Variants in SPSB1 observed in about 807,000 individuals in gnomAD.
SPSB1 encodes the protein SPRY domain-containing SOCS box protein 1.
Under a neutral mutation model 21.2 loss-of-function variants are expected in SPSB1, and 8 were observed. That is an observed-to-expected ratio of 0.38 (90% confidence interval 0.22 to 0.68). The LOEUF (loss-of-function observed/expected upper bound fraction) is 0.68, where lower values mean the gene tolerates loss of function less well. SPSB1 is among the 30% of genes least tolerant of loss of function. The pLI, the probability that SPSB1 is intolerant of heterozygous loss-of-function variation, is 0.53. For missense variants in SPSB1, 242 were observed against 377.8 expected, an observed-to-expected ratio of 0.64 and a Z score of 2.98; for synonymous variants, 169 against 161.7, an observed-to-expected ratio of 1.05 and a Z score of -0.34.
chr1:9,332,540 G>A (rs531647540), intron 1 of SPSB1, among the ~76,000 whole-genome samples: 1 of 152,274 alleles, frequency 6.6e-6, no homozygotes, highest in African/African-American at 2.4e-5. Flanking sequence ...TGGTGGACAC[G>A]TCAGGTTCAC....
chr1:9,309,301 A>AGAGAGAGAGAGAGTGT (rs1245605413), intron 1 of SPSB1, among the ~76,000 whole-genome samples: 1 of 133,136 alleles, frequency 7.5e-6, no homozygotes, highest in African/African-American at 3.0e-5. Flanking sequence ...AGAGAGAGAG[A>AGAGAGAGAGAGAGTGT]GTGTGTGTGT....
At chr1:9,307,074 CGT>C (rs1448153969) in intron 1 of SPSB1, among the ~76,000 whole-genome samples, 3 of 151,664 alleles carry the variant, frequency 2.0e-5, no homozygotes, top group Non-Finnish European at 4.4e-5. Flanking sequence ...ATTACAGGCA[CGT>C]GCCACCACGC....
At chr1:9,315,041 G>A (rs1639587165) in intron 1 of SPSB1, among the ~76,000 whole-genome samples, 1 of 152,316 alleles carries the variant, frequency 6.6e-6, no homozygotes, top group Non-Finnish European at 1.5e-5. Flanking sequence ...ATTTTTGTTT[G>A]TTTATTTTTA....
chr1:9,331,268 G>A (rs905347624), intron 1 of SPSB1, among the ~76,000 whole-genome samples: 2 of 104,472 alleles, frequency 1.9e-5, no homozygotes, highest in East Asian at 2.5e-4. Context: ...GGAAGTGGCC[G>A]CACCTCTGTC....
intron 1 of SPSB1, among the ~76,000 whole-genome samples, chr1:9,349,316 C>T (rs1042705499): frequency 1.3e-5 from 2 of 152,230 alleles, no homozygotes; most frequent in African/African-American, 4.8e-5. Flanking sequence ...GCTCCCGCCA[C>T]GTGCTCGACT....
chr1:9,296,749 G>A (rs1431934665), intron 1 of SPSB1, among the ~76,000 whole-genome samples: 2 of 152,200 alleles, frequency 1.3e-5, no homozygotes, highest in Non-Finnish European at 2.9e-5. Flanking sequence ...TACTCTATGC[G>A]GGGCAAGAGT....
intron 1 of SPSB1, among the ~76,000 whole-genome samples, chr1:9,329,107 G>A (rs1288798785): frequency 6.6e-6 from 1 of 152,206 alleles, no homozygotes; most frequent in Non-Finnish European, 1.5e-5. Flanking sequence ...TGGGGGACAG[G>A]GTGGCGGGGA....
intron 2 of SPSB1, among the ~76,000 whole-genome samples, chr1:9,365,292 T>A (rs1200277791): frequency 2.6e-5 from 4 of 152,138 alleles, no homozygotes; most frequent in African/African-American, 9.7e-5. Flanking sequence ...CTGATTTTTA[T>A]TTTTTGTAGC....
chr1:9,368,804 C>T lies in SPSB1; in HGVS notation c.*1229C>T, dbSNP rs1433854611. On this transcript the variant is annotated 3_prime_UTR_variant, in exon 3 of 3. Transcript: ENST00000328089. ...TCAGCACCCCAGCCGGGGCTCTGGA[C>T]CCAGGGTAACAGCCCCAGTTCATCC... 6.6e-6 allele frequency: 1 copy of T among 152,172 alleles called. No homozygotes were observed. The highest frequency in any genetic ancestry group is 1.9e-4 in the East Asian group (1 of 5,166). The allele number at this position is 152,172 out of a possible 1,614,324, so 9.4% of individuals were successfully genotyped here.
At chr1:9,326,453 C>T (rs1339382223) in intron 1 of SPSB1, among the ~76,000 whole-genome samples, 1 of 152,216 alleles carries the variant, frequency 6.6e-6, no homozygotes, top group Non-Finnish European at 1.5e-5. Flanking sequence ...TGGCCAAAGG[C>T]ATGACCAGAG....
intron 1 of SPSB1, among the ~76,000 whole-genome samples, chr1:9,318,833 G>A (rs1639657264): frequency 1.3e-5 from 2 of 152,178 alleles, no homozygotes; most frequent in African/African-American, 4.8e-5. Context: ...CACATGAGCT[G>A]GTGATTGTAA....
At chr1:9,302,505 A>G (rs1639351510) in intron 1 of SPSB1, among the ~76,000 whole-genome samples, 1 of 152,114 alleles carries the variant, frequency 6.6e-6, no homozygotes, top group Non-Finnish European at 1.5e-5. Context: ...GGGGGCCTGG[A>G]AGAAGGGTGA....
chr1:9,350,385 G>A (rs1640237156), intron 1 of SPSB1, among the ~76,000 whole-genome samples: 1 of 152,250 alleles, frequency 6.6e-6, no homozygotes, highest in Admixed American at 6.5e-5. Context: ...GTGCAGAGGA[G>A]GAGGCAGGCG....
At chr1:9,318,043 A>G (rs617018) in intron 1 of SPSB1, among the ~76,000 whole-genome samples, 113,120 of 152,146 alleles carry the variant, frequency 0.74, 43,426 homozygotes, top group African/African-American at 0.91. Flanking sequence ...AAGCAGCTGC[A>G]CTCATTCCCC....
At position 9,346,456 on chromosome 1, in the gene SPSB1, A is replaced by G. The variant is rs371948497; in HGVS notation, c.-149-9287A>G. ...CTGTCTGTCCCCAGTCGCTTTGGCTACATCCCCAAAAGAGGGTGTAGCCGT... is the reference window on the plus strand; with the variant it reads ...CTGTCTGTCCCCAGTCGCTTTGGCTGCATCCCCAAAAGAGGGTGTAGCCGT... On this transcript the variant is annotated intron_variant, in intron 1 of 2. Transcript: ENST00000328089. The surrounding 1 kb of genome is among the most constrained non-coding windows in gnomAD (Gnocchi z 4.4). 1.5e-4 allele frequency among the ~76,000 whole-genome samples: 23 copies of G among 152,264 alleles called. No individual in the cohort carries two copies. In the East Asian group the frequency reaches 3.1e-3, roughly 20 times the overall value.
intron 1 of SPSB1, among the ~76,000 whole-genome samples, chr1:9,328,553 C>T (rs1639857781): frequency 6.6e-6 from 1 of 152,190 alleles, no homozygotes; most frequent in Non-Finnish European, 1.5e-5. Flanking sequence ...AACAGGGACT[C>T]TAAGGCCCAG....
chr1:9,327,097 G>T (rs943532879), intron 1 of SPSB1, among the ~76,000 whole-genome samples: 1 of 152,144 alleles, frequency 6.6e-6, no homozygotes, highest in African/African-American at 2.4e-5. Context: ...CCGTCGTTTC[G>T]TGGGGAAGAG....
rs1395061717 is a variant in SPSB1 at position 9,305,611 on chromosome 1, A to C, written c.-150+12540A>C. 6.6e-6 allele frequency among the ~76,000 whole-genome samples: 1 copy of C among 152,142 alleles called. No homozygotes were observed. The highest frequency in any genetic ancestry group is 1.5e-5 in the Non-Finnish European group (1 of 68,014). ...GTGCTGGGGGTGGGGACTCCCCGTCACGGAACTAAACTGCCAGGTGTTCCG... is the reference window on the plus strand; with the variant it reads ...GTGCTGGGGGTGGGGACTCCCCGTCCCGGAACTAAACTGCCAGGTGTTCCG... On this transcript the variant is annotated intron_variant, in intron 1 of 2. Transcript: ENST00000328089. This position sits in a 1 kb window ranked among gnomAD's most constrained non-coding sequence, Gnocchi z 4.8.
intron 1 of SPSB1, among the ~76,000 whole-genome samples, chr1:9,325,758 G>A (rs1639807267): frequency 6.6e-6 from 1 of 152,220 alleles, no homozygotes; most frequent in African/African-American, 2.4e-5. Context: ...GGGGGCAAAG[G>A]ACGTTTGCCA....
Sources: gnomAD v4.1 joint callset for allele counts (sites outside exome capture counted in the v4.1 genomes callset) on GRCh38, gnomAD v4.1.1 for gene constraint, Gnocchi (gnomAD v3.1) non-coding constraint, MANE v1.5 for transcripts, NCBI Gene and HGNC (gene_info 2026-07-23, HGNC 2026-07-21) for gene names.